ADGRE1: variants seen among roughly 807,000 people sequenced by gnomAD.
ADGRE1 encodes EGF-like module receptor 1.
A neutral mutation model predicts 102.7 loss-of-function variants in ADGRE1; 82 were observed. The ratio of observed to expected loss-of-function variants is 0.80; its 90% CI spans 0.67 to 0.96. The LOEUF (loss-of-function observed/expected upper bound fraction) is 0.96. ADGRE1 is among the 40% of genes least tolerant of loss of function. The probability of loss-of-function intolerance (pLI) is 0.00; values close to 1 mark genes in which losing one functional copy is unlikely to be tolerated. For synonymous variants in ADGRE1, 398 were observed against 399.6 expected (o/e 1.00, Z 0.05); for missense variants, 1,032 against 1,085.3 (o/e 0.95, Z 0.69).
chr19:6,924,542 G>T, intron 14 of ADGRE1, 136 bp from the exon 15 acceptor site: 1 of 686,508 alleles, frequency 1.5e-6, no homozygotes, highest in Non-Finnish European at 2.5e-6. Context: ...ACAGTATCTA[G>T]TTCACTCTGA....
chr19:6,907,029 A>G (rs1270657148), intron 9 of ADGRE1, among the ~76,000 whole-genome samples: 3 of 152,126 alleles, frequency 2.0e-5, no homozygotes, highest in Non-Finnish European at 4.4e-5. Flanking sequence ...GCAACTGAGT[A>G]ATGTTGGTGT....
chr19:6,940,139 C>A lies in ADGRE1; in HGVS notation c.*110C>A. 1 of 1,293,660 alleles carries A rather than the reference C, an allele frequency of 7.7e-7. No homozygotes were observed. The highest frequency in any genetic ancestry group is 2.4e-5 in the East Asian group (1 of 41,902). The allele number at this position is 1,293,660 out of a possible 1,614,324, so 80.1% of individuals were successfully genotyped here. On this transcript the variant is annotated 3_prime_UTR_variant, in exon 21 of 21. Transcript: ENST00000312053. ...CAGCTTAACATGGAAATGAGGATCC[C>A]ACCAGCCCCAGAACCCTCTGGGGAA...
rs372817446 is a variant in ADGRE1 at position 6,903,889 on chromosome 19, C to T, written c.741C>T (p.His247=). ...CTGGGAGCTACTTTTGCACCTGCCACCCTGGCTTTGCACCAAGCAATGGAC... is the reference window on the plus strand; with the variant it reads ...CTGGGAGCTACTTTTGCACCTGCCATCCTGGCTTTGCACCAAGCAATGGAC... ...NTPGSYFCTC[H]PGFAPSNGQL... Residue 247 remains histidine (H), a synonymous_variant, in exon 7 of 21, where the codon CAC becomes CAT. Coordinates refer to ENST00000312053, the MANE Select transcript of ADGRE1 (RefSeq NM_001974.5). 39 of 1,614,092 alleles carry T rather than the reference C, an allele frequency of 2.4e-5. No individual in the cohort carries two copies. The highest frequency in any genetic ancestry group is 3.1e-5 in the Non-Finnish European group (36 of 1,180,046).
chr19:6,931,276 G>A (rs1051487247), intron 17 of ADGRE1, among the ~76,000 whole-genome samples: 8 of 152,110 alleles, frequency 5.3e-5, no homozygotes, highest in African/African-American at 1.9e-4. Flanking sequence ...CTCCACAGAG[G>A]TTTTGTGCTG....
In ADGRE1 at chr19:6,934,415, T is replaced by G. The variant is rs976242641; in HGVS notation, c.2290-572T>G. Reference sequence around the variant, plus strand: ...AATCGTGGGTCAGAATTCTTCTTCTTCTTCTTTTTTTTTTTTTTTTTTTTG... The same window carrying G: ...AATCGTGGGTCAGAATTCTTCTTCTGCTTCTTTTTTTTTTTTTTTTTTTTG... On this transcript the variant is annotated intron_variant, in intron 17 of 20. Coordinates refer to ENST00000312053, the MANE Select transcript of ADGRE1 (RefSeq NM_001974.5). Among the ~76,000 whole-genome samples, 5 of 125,716 alleles carry G rather than the reference T, an allele frequency of 4.0e-5. No individual in the cohort carries two copies. The East Asian group carries it at 1.0e-3, about 26-fold the overall frequency. 82.5% of individuals were successfully genotyped at this position (125,716 alleles called of 152,430 possible). A position where few individuals can be genotyped will look rare whatever the true frequency, so the allele number is the denominator to read the frequency against.
chr19:6,928,586 GCCACTGTA>G lies in ADGRE1; in HGVS notation c.2289+377_2289+384del. On this transcript the variant is annotated intron_variant, in intron 17 of 20. Transcript: ENST00000312053. ...GGAGGTTGCAGTGAGCCAAATTCAT[GCCACTGTA>G]CTCCAGCCTGGGCAACAGAGTGAAA... The G allele has an allele frequency of 1.2e-5, 3 of 250,240 alleles. No homozygotes were observed. The South Asian group carries it at 1.9e-4, about 16-fold the overall frequency. The allele number at this position is 250,240 out of a possible 1,614,324, so 15.5% of individuals were successfully genotyped here.
At position 6,896,485 on chromosome 19, in the gene ADGRE1, G is replaced by T; in HGVS notation, c.182G>T (p.Gly61Val). 6.2e-7 allele frequency: 1 copy of T among 1,614,128 alleles called. No homozygotes were observed. The highest frequency in any genetic ancestry group is 1.1e-5 in the South Asian group (1 of 91,074). Residue 61 changes from glycine (G) to valine (V), a missense_variant, in exon 3 of 21, where the codon GGC becomes GTC. Transcript: ENST00000312053. ...VDSYYCACKQ[G>V]FLSSNGQNHF... ...AGTTACTATTGCGCTTGCAAACAAG[G>T]CTTCCTGTCCAGCAATGGGCAAAAT... is the stretch of plus-strand genomic sequence containing the variant.
chr19:6,910,570 C>CTTTTTTTTTT (rs11303491), intron 10 of ADGRE1, among the ~76,000 whole-genome samples: 1 of 112,682 alleles, frequency 8.9e-6, no homozygotes, highest in Non-Finnish European at 1.7e-5. Flanking sequence ...TGTTCCAACT[C>CTTTTTTTTTT]TTTTTTTTTT....
chr19:6,913,274 G>T (rs577363207), intron 10 of ADGRE1, among the ~76,000 whole-genome samples: 2 of 152,234 alleles, frequency 1.3e-5, no homozygotes, highest in South Asian at 4.2e-4. Context: ...TGCCTCCTGG[G>T]TTCAAGTGAT....
At chr19:6,902,914 G>A (rs148102599) in intron 6 of ADGRE1, among the ~76,000 whole-genome samples, 3 of 152,238 alleles carry the variant, frequency 2.0e-5, no homozygotes, top group Non-Finnish European at 4.4e-5. Context: ...TTTTTTATTC[G>A]GGACAGGTAA....
At chr19:6,898,167 C>T (rs533356875) in intron 5 of ADGRE1, 161 of 689,828 alleles carry the variant, frequency 2.3e-4, no homozygotes, top group Middle Eastern at 1.2e-3. Flanking sequence ...AAGATGGGGA[C>T]GTACCTTCCA....
At chr19:6,900,427 G>T (rs1973725054) in intron 5 of ADGRE1, among the ~76,000 whole-genome samples, 1 of 152,200 alleles carries the variant, frequency 6.6e-6, no homozygotes, top group South Asian at 2.1e-4. Context: ...TGAGGCTGCA[G>T]TGCACTATGC....
intron 5 of ADGRE1, among the ~76,000 whole-genome samples, chr19:6,900,130 C>T (rs924850111): frequency 2.0e-5 from 3 of 151,398 alleles, no homozygotes; most frequent in Middle Eastern, 3.2e-3. Context: ...TTAATCTTTT[C>T]TCTCCCTTCA....
intron 20 of ADGRE1, 84 bp downstream of exon 20, chr19:6,937,732 T>C: frequency 1.5e-6 from 2 of 1,313,676 alleles, no homozygotes; most frequent in Non-Finnish European, 2.2e-6. Flanking sequence ...ACGTGTTGGG[T>C]ACTGAATGGG....
At chr19:6,907,947 G>A (rs139073133) in intron 9 of ADGRE1, among the ~76,000 whole-genome samples, 177 of 152,260 alleles carry the variant, frequency 1.2e-3, no homozygotes, top group African/African-American at 3.9e-3. Flanking sequence ...GTTGGGAACA[G>A]GCCCCCCAAA....
At chr19:6,890,458 G>C in intron 1 of ADGRE1, 23 bp from the exon 2 acceptor site, 2 of 787,992 alleles carry the variant, frequency 2.5e-6, no homozygotes, top group Non-Finnish European at 3.5e-6. Context: ...GGTTCATGGT[G>C]TTTTTCTTTT....
At chr19:6,920,524 T>TC in intron 13 of ADGRE1, among the ~76,000 whole-genome samples, 1 of 132,164 alleles carries the variant, frequency 7.6e-6, no homozygotes, top group Admixed American at 7.8e-5. Flanking sequence ...CGCTTTTTTT[T>TC]TTTTTTTTTT....
chr19:6,903,960 G>A lies in ADGRE1; in HGVS notation c.802+10G>A. On this transcript the variant is annotated intron_variant, in intron 7 of 20. Coordinates refer to ENST00000312053, the MANE Select transcript of ADGRE1 (RefSeq NM_001974.5). The stretch of plus-strand genomic sequence containing the variant: ...GGAGTGGAATGTAGAGGTGAGCAGA[G>A]AGTTTGATGGACAATCCAGAAAAGA... The A allele has an allele frequency of 6.2e-7, 1 of 1,614,160 alleles. No homozygotes were observed. The highest frequency in any genetic ancestry group is 8.5e-7 in the Non-Finnish European group (1 of 1,180,038).
chr19:6,903,762 G>C (rs749245365), intron 6 of ADGRE1, 48 bp from the exon 7 acceptor site: 3 of 1,606,226 alleles, frequency 1.9e-6, no homozygotes, highest in Non-Finnish European at 2.6e-6. Flanking sequence ...GCATGATTTT[G>C]TTGGCTCATT....
Sources: gnomAD v4.1 joint callset for allele counts (sites outside exome capture counted in the v4.1 genomes callset) on GRCh38, gnomAD v4.1.1 for gene constraint, MANE v1.5 for transcripts, NCBI Gene and HGNC (gene_info 2026-07-23, HGNC 2026-07-21) for gene names.